Variants in CNTNAP5 observed in about 807,000 individuals in gnomAD.
CNTNAP5 encodes the protein contactin-associated protein-like 5.
CNTNAP5 carries 72 observed loss-of-function variants against 150.2 expected under a neutral mutation model. That is an observed-to-expected ratio of 0.48 (90% CI 0.40 to 0.58). CNTNAP5 has a LOEUF of 0.58. CNTNAP5 is among the 20% of genes least tolerant of loss of function. CNTNAP5 has a pLI of 0.00. For missense variants in CNTNAP5, 1,636 were observed against 1,626.2 expected, an observed-to-expected ratio of 1.01 and a Z score of -0.10; for synonymous variants, 672 against 619.8, an observed-to-expected ratio of 1.08 and a Z score of -1.25.
intron 6 of CNTNAP5, among the ~76,000 whole-genome samples, chr2:124,449,084 C>A (rs1273663044): frequency 6.6e-6 from 1 of 152,140 alleles, no homozygotes; most frequent in African/African-American, 2.4e-5. Flanking sequence ...CAATCACTAT[C>A]ATGAGAATAA....
At chr2:124,429,474 G>T (rs1692318535) in intron 4 of CNTNAP5, among the ~76,000 whole-genome samples, 1 of 152,190 alleles carries the variant, frequency 6.6e-6, no homozygotes, top group African/African-American at 2.4e-5. Flanking sequence ...GGAGTAGGAA[G>T]TATTCAGTTG....
intron 19 of CNTNAP5, among the ~76,000 whole-genome samples, chr2:124,844,286 T>C (rs943186924): frequency 2.0e-5 from 3 of 152,090 alleles, no homozygotes; most frequent in East Asian, 1.9e-4. Context: ...CCCCACTTTA[T>C]GTTTTTGTTT....
At position 124,798,346 on chromosome 2, in the gene CNTNAP5, C is replaced by T. The variant is rs754838662; in HGVS notation, c.3217+26C>T. ...GTGAGTGTGATGGCATGATACCCAG[C>T]GGAGTCTCAGCCTGGGCTGGAGGGA... On this transcript the variant is annotated intron_variant, in intron 19 of 23. Coordinates refer to ENST00000682447, the MANE Select transcript of CNTNAP5 (RefSeq NM_001367498.1). 9.3e-5 allele frequency: 144 copies of T among 1,540,952 alleles called. No individual in the cohort carries two copies. In the Middle Eastern group the frequency reaches 2.0e-3, roughly 22 times the overall value.
At chr2:124,487,640 TGC>T (rs1693917562) in intron 7 of CNTNAP5, among the ~76,000 whole-genome samples, 1 of 151,976 alleles carries the variant, frequency 6.6e-6, no homozygotes, top group Admixed American at 6.6e-5. Context: ...GGAATGAGCT[TGC>T]CTAGAAGCTC....
chr2:124,180,313 C>G lies in CNTNAP5; in HGVS notation c.83-41392C>G, dbSNP rs147379048. Among the ~76,000 whole-genome samples the G allele has an allele frequency of 1.1e-3, 170 of 152,222 alleles. 2 individuals are homozygous for G. The highest frequency in any genetic ancestry group is 3.8e-3 in the African/African-American group (157 of 41,542). On this transcript the variant is annotated intron_variant, in intron 1 of 23. Coordinates refer to ENST00000682447, the MANE Select transcript of CNTNAP5 (RefSeq NM_001367498.1). ...CTATTTCCTGCTTGTTTTCTGGAAG[C>G]GCTTGGTGGAAATTTGAAATAGATA... is the stretch of plus-strand genomic sequence containing the variant.
At chr2:124,815,019 T>C (rs1682330949) in intron 19 of CNTNAP5, among the ~76,000 whole-genome samples, 1 of 152,170 alleles carries the variant, frequency 6.6e-6, no homozygotes, top group Admixed American at 6.5e-5. Context: ...AGAGATGAAG[T>C]GCCTGCTAGT....
chr2:124,043,514 C>A (rs1204215127), intron 1 of CNTNAP5, among the ~76,000 whole-genome samples: 2 of 152,052 alleles, frequency 1.3e-5, no homozygotes, highest in East Asian at 3.9e-4. Flanking sequence ...CTTTTTATAT[C>A]TTCTTTTACT....
chr2:124,585,544 T>A (rs540547019), intron 11 of CNTNAP5, among the ~76,000 whole-genome samples: 39 of 152,200 alleles, frequency 2.6e-4, no homozygotes, highest in Non-Finnish European at 5.3e-4. Context: ...ACATTCTTGG[T>A]CTTACAGGGA....
intron 1 of CNTNAP5, among the ~76,000 whole-genome samples, chr2:124,123,361 C>T (rs751773996): frequency 5.3e-5 from 8 of 152,082 alleles, no homozygotes; most frequent in Non-Finnish European, 7.4e-5. Context: ...GGGGGAGGGG[C>T]GTCCACCATT....
At chr2:124,337,406 T>C (rs937507466) in intron 3 of CNTNAP5, among the ~76,000 whole-genome samples, 1 of 152,236 alleles carries the variant, frequency 6.6e-6, no homozygotes, top group Non-Finnish European at 1.5e-5. Flanking sequence ...TTTTGGCTTT[T>C]GTTGCCATTG....
chr2:124,486,018 C>G (rs1022027729), intron 7 of CNTNAP5, among the ~76,000 whole-genome samples: 7 of 152,138 alleles, frequency 4.6e-5, no homozygotes, highest in African/African-American at 1.7e-4. Context: ...ATGTTTATAG[C>G]AGCACAATGC....
intron 21 of CNTNAP5, among the ~76,000 whole-genome samples, chr2:124,895,515 A>T (rs1215793838): frequency 6.6e-6 from 1 of 151,594 alleles, no homozygotes; most frequent in Non-Finnish European, 1.5e-5. Flanking sequence ...AGTCCCTGAC[A>T]CTGGGTTGGC....
chr2:124,769,336 T>A (rs1264675491), intron 16 of CNTNAP5, among the ~76,000 whole-genome samples: 4 of 152,066 alleles, frequency 2.6e-5, no homozygotes, highest in African/African-American at 9.7e-5. Context: ...GAACTCATCT[T>A]GTTTCATTTG....
intron 10 of CNTNAP5, among the ~76,000 whole-genome samples, chr2:124,558,535 A>G (rs1311431857): frequency 7.2e-5 from 11 of 152,230 alleles, no homozygotes. Flanking sequence ...CGTTGAAGTC[A>G]CTGGTGTGTA....
intron 13 of CNTNAP5, among the ~76,000 whole-genome samples, chr2:124,742,686 C>T (rs992562064): frequency 6.6e-6 from 1 of 151,692 alleles, no homozygotes; most frequent in African/African-American, 2.4e-5. Flanking sequence ...TTTTCCCATA[C>T]CTTGTTTATA....
chr2:124,337,190 A>G (rs1443736668), intron 3 of CNTNAP5, among the ~76,000 whole-genome samples: 2 of 152,128 alleles, frequency 1.3e-5, no homozygotes, highest in East Asian at 1.9e-4. Flanking sequence ...GTGTCTGTTC[A>G]TATCCTTCGC....
At position 124,736,102 on chromosome 2, in the gene CNTNAP5, T is replaced by G. The variant is rs370567188; in HGVS notation, c.2078-11127T>G. The stretch of plus-strand genomic sequence containing the variant: ...AAAATTAGCTGGGCATGATGACGGG[T>G]GCCTGTAATCCCAGCTATTCGAGAG... On this transcript the variant is annotated intron_variant, in intron 13 of 23. Transcript: ENST00000682447. 1.4e-4 allele frequency among the ~76,000 whole-genome samples: 21 copies of G among 152,114 alleles called. 1 individual carries two copies. The South Asian group carries it at 3.9e-3, about 29-fold the overall frequency.
chr2:124,445,958 C>T (rs746060030), intron 5 of CNTNAP5, among the ~76,000 whole-genome samples: 8 of 151,958 alleles, frequency 5.3e-5, no homozygotes, highest in South Asian at 2.1e-4. Flanking sequence ...GAGAAGGAGG[C>T]GGAGGGGGAA....
chr2:124,141,958 AT>A (rs1244980868), intron 1 of CNTNAP5, among the ~76,000 whole-genome samples: 60 of 119,242 alleles, frequency 5.0e-4, no homozygotes, highest in Non-Finnish European at 1.2e-4. Context: ...TACCAAGCAA[AT>A]GGAAAACAAA....
Sources: gnomAD v4.1 joint callset for allele counts (sites outside exome capture counted in the v4.1 genomes callset) on GRCh38, gnomAD v4.1.1 for gene constraint, MANE v1.5 for transcripts, NCBI Gene and HGNC (gene_info 2026-07-23, HGNC 2026-07-21) for gene names.